The following CD1B variants were observed in gnomAD, a reference collection of about 807,000 sequenced individuals.
CD1B encodes CD1b molecule.
A neutral mutation model predicts 39.8 loss-of-function variants in CD1B; 43 were observed. The ratio of observed to expected loss-of-function variants is 1.08; its 90% CI spans 0.85 to 1.39. CD1B has a LOEUF of 1.39. Ranked by LOEUF, CD1B falls within the 40% of genes most tolerant of loss-of-function variation. The pLI is 0.00. For synonymous variants in CD1B, 192 were observed against 152.5 expected (o/e 1.26, Z -1.91); for missense variants, 495 against 403.8 (o/e 1.23, Z -1.94).
At chr1:158,292,367 T>C in the CD1B span, 1 of 1,610,438 alleles carries the variant, frequency 6.2e-7, no homozygotes, top group South Asian at 1.1e-5. Context: ...ACAGGCAAGG[T>C]CAGTAGTTTC....
the CD1B span, chr1:158,291,094 T>TC: frequency 3.6e-5 from 57 of 1,566,702 alleles, no homozygotes; most frequent in South Asian, 6.7e-4. Context: ...CTCTCTTTTT[T>TC]TTTTTTTCCT....
downstream of CD1B, among the ~76,000 whole-genome samples, chr1:158,326,786 A>AATTATTATTATTATTATTATT (rs374291885): frequency 6.0e-5 from 9 of 149,642 alleles, no homozygotes; most frequent in African/African-American, 2.0e-4. Context: ...GCACATATAA[A>AATTATTATTATTATTATTATT]ATTATTATTA....
At chr1:158,309,051 A>T in the CD1B span, among the ~76,000 whole-genome samples, 1 of 152,230 alleles carries the variant, frequency 6.6e-6, no homozygotes, top group Non-Finnish European at 1.5e-5. Flanking sequence ...GGCAACCTAC[A>T]GAATGGGAGA....
the CD1B span, among the ~76,000 whole-genome samples, chr1:158,288,551 T>C: frequency 6.6e-6 from 1 of 152,172 alleles, no homozygotes; most frequent in East Asian, 1.9e-4. Flanking sequence ...GCCACCACAT[T>C]TGGCCAACTT....
the CD1B span, among the ~76,000 whole-genome samples, chr1:158,302,191 A>C: frequency 6.6e-6 from 1 of 152,228 alleles, no homozygotes; most frequent in Non-Finnish European, 1.5e-5. Flanking sequence ...TGGTCCTGAA[A>C]GACTTTTGGG....
the CD1B span, among the ~76,000 whole-genome samples, chr1:158,320,029 C>A: frequency 6.6e-6 from 1 of 152,222 alleles, no homozygotes; most frequent in East Asian, 1.9e-4. Flanking sequence ...TCTCAGATCT[C>A]CAGCTGCGTA....
chr1:158,325,052 CA>C (rs1450841585), downstream of CD1B, among the ~76,000 whole-genome samples: 6 of 151,910 alleles, frequency 3.9e-5, no homozygotes, highest in East Asian at 1.2e-3. Context: ...TGAGAACGGG[CA>C]AATAAATAGA....
the CD1B span, among the ~76,000 whole-genome samples, chr1:158,288,739 A>C: frequency 6.6e-6 from 1 of 152,242 alleles, no homozygotes. Flanking sequence ...GCATTCAGTG[A>C]ATAATTAATA....
chr1:158,318,707 T>C, the CD1B span, among the ~76,000 whole-genome samples: 1 of 152,200 alleles, frequency 6.6e-6, no homozygotes, highest in African/African-American at 2.4e-5. Context: ...CCTGTCATTA[T>C]GATGTTAGGT....
the CD1B span, chr1:158,292,109 G>A: frequency 3.2e-5 from 52 of 1,613,972 alleles, no homozygotes; most frequent in African/African-American, 3.7e-4. Context: ...AGGTGAAAGC[G>A]GGCTGTGAGC....
At chr1:158,311,945 G>T in the CD1B span, among the ~76,000 whole-genome samples, 3 of 152,062 alleles carry the variant, frequency 2.0e-5, no homozygotes, top group African/African-American at 7.2e-5. Flanking sequence ...CTACAGATTT[G>T]CCCTTTTTGC....
the CD1B span, among the ~76,000 whole-genome samples, chr1:158,288,551 T>A: frequency 6.6e-6 from 1 of 152,172 alleles, no homozygotes; most frequent in East Asian, 1.9e-4. Flanking sequence ...GCCACCACAT[T>A]TGGCCAACTT....
At chr1:158,322,037 T>C in the CD1B span, among the ~76,000 whole-genome samples, 2 of 152,226 alleles carry the variant, frequency 1.3e-5, no homozygotes, top group African/African-American at 4.8e-5. Context: ...AACAAAAATA[T>C]TGTACACTCT....
At chr1:158,294,874 T>C in the CD1B span, among the ~76,000 whole-genome samples, 4 of 152,228 alleles carry the variant, frequency 2.6e-5, 1 homozygote, top group Admixed American at 2.0e-4. Flanking sequence ...TAGAATTCCA[T>C]GTATGAATAT....
the CD1B span, among the ~76,000 whole-genome samples, chr1:158,321,838 G>T: frequency 2.0e-5 from 3 of 152,110 alleles, no homozygotes; most frequent in Admixed American, 2.0e-4. Flanking sequence ...GTGCCATGGT[G>T]GTTTACTGCA....
At position 158,331,023 on chromosome 1, in the gene CD1B, G is replaced by T; in HGVS notation, c.101C>A (p.Ser34Ter). Residue 34 changes from serine (S) to a stop codon, truncating the protein, a stop_gained, in exon 2 of 6, where the codon TCG becomes TAG. Transcript: ENST00000368168. LOFTEE classifies it high-confidence loss of function. ...GPTSFHVIQT[S>*]SFTNSTWAQT... ...TGCCCAGGTACTATTGGTAAAGGAC[G>T]AGGTCTGGATAACATGAAAGGAGGT... 1.2e-6 allele frequency: 2 copies of T among 1,614,080 alleles called. No homozygotes were observed. Among genetic ancestry groups the T allele is most frequent in the Non-Finnish European group, 1.7e-6 (2 of 1,179,996 alleles).
chr1:158,287,613 A>G, the CD1B span, among the ~76,000 whole-genome samples: 2 of 152,168 alleles, frequency 1.3e-5, no homozygotes, highest in Non-Finnish European at 2.9e-5. Flanking sequence ...CAAATTATCT[A>G]GTGGCACTAT....
At chr1:158,293,292 A>G in the CD1B span, 1 of 1,613,572 alleles carries the variant, frequency 6.2e-7, no homozygotes, top group Non-Finnish European at 8.5e-7. Flanking sequence ...GTTATGGTTT[A>G]AGAAGCACTG....
chr1:158,314,790 A>G, the CD1B span, among the ~76,000 whole-genome samples: 2 of 149,530 alleles, frequency 1.3e-5, no homozygotes, highest in Non-Finnish European at 3.0e-5. Context: ...ATATCTCCCA[A>G]TGCTATCCCT....
Sources: allele counts gnomAD v4.1 joint callset (sites outside exome capture counted in the v4.1 genomes callset), GRCh38; gene constraint gnomAD v4.1.1; transcripts MANE v1.5; gene names NCBI Gene and HGNC (gene_info 2026-07-23, HGNC 2026-07-21).